Variants in PHYHIPL observed in about 807,000 individuals in gnomAD.
The protein encoded by PHYHIPL is phytanoyl-CoA 2-hydroxylase interacting protein like.
Under a neutral mutation model 33.4 loss-of-function variants are expected in PHYHIPL, and 9 were observed. That is an observed-to-expected ratio of 0.27 (90% CI 0.16 to 0.47). PHYHIPL has a LOEUF of 0.47. PHYHIPL is among the 20% of genes least tolerant of loss of function. The pLI is 0.99. For missense variants in PHYHIPL, 365 were observed against 460.7 expected (o/e 0.79, Z 1.90); for synonymous variants, 153 against 154.1 (o/e 0.99, Z 0.05).
At chr10:59,197,858 T>C (rs1353698402) in intron 1 of PHYHIPL, among the ~76,000 whole-genome samples, 1 of 152,164 alleles carries the variant, frequency 6.6e-6, no homozygotes, top group Non-Finnish European at 1.5e-5. Context: ...TTATTTATAT[T>C]CATTACTTTT....
chr10:59,222,149 A>C (rs1046909849), intron 1 of PHYHIPL, among the ~76,000 whole-genome samples: 1 of 152,096 alleles, frequency 6.6e-6, no homozygotes, highest in African/African-American at 2.4e-5. Context: ...GAAGTACTGT[A>C]TATGGATTTC....
rs906648610 is a variant in PHYHIPL at position 59,176,722 on chromosome 10, G to T, written c.-132G>T. The T allele has an allele frequency of 3.8e-6, 3 of 788,446 alleles. No individual in the cohort carries two copies. The highest frequency in any genetic ancestry group is 1.8e-5 in the African/African-American group (1 of 56,214). 48.8% of individuals were successfully genotyped at this position (788,446 alleles called of 1,614,324 possible). On this transcript the variant is annotated 5_prime_UTR_variant, in exon 1 of 5. Coordinates refer to ENST00000373880, the MANE Select transcript of PHYHIPL (RefSeq NM_032439.4). The stretch of plus-strand genomic sequence containing the variant: ...TCCAGCCCCGCGCCTCAGCCTCGGC[G>T]CCGCATCACCGCGTCCCAGGCCTCC...
At chr10:59,244,238 A>G (rs1840538326) in intron 4 of PHYHIPL, among the ~76,000 whole-genome samples, 1 of 152,144 alleles carries the variant, frequency 6.6e-6, no homozygotes, top group African/African-American at 2.4e-5. Context: ...GCAAAATGCC[A>G]GAGAAATAAC....
intron 1 of PHYHIPL, among the ~76,000 whole-genome samples, chr10:59,188,312 T>C (rs1304702868): frequency 6.6e-6 from 1 of 152,228 alleles, no homozygotes; most frequent in Non-Finnish European, 1.5e-5. Context: ...CTAGTTTGAT[T>C]GCACTGTGGT....
chr10:59,187,802 G>A (rs1327789081), intron 1 of PHYHIPL, among the ~76,000 whole-genome samples: 3 of 151,886 alleles, frequency 2.0e-5, no homozygotes, highest in Non-Finnish European at 2.9e-5. Context: ...CTGTGGGATC[G>A]GCAGTGATAT....
intron 1 of PHYHIPL, among the ~76,000 whole-genome samples, chr10:59,203,433 T>A (rs1839185709): frequency 6.6e-6 from 1 of 152,110 alleles, no homozygotes; most frequent in Admixed American, 6.6e-5. Flanking sequence ...ACCCAAAGGA[T>A]TATAAATCAT....
intron 1 of PHYHIPL, among the ~76,000 whole-genome samples, chr10:59,213,224 T>C (rs1839516076): frequency 6.6e-6 from 1 of 152,068 alleles, no homozygotes; most frequent in African/African-American, 2.4e-5. Context: ...GCTGCCAGAG[T>C]GATCCTCTAA....
intron 1 of PHYHIPL, among the ~76,000 whole-genome samples, chr10:59,216,587 A>G (rs1012869818): frequency 2.6e-5 from 4 of 152,098 alleles, no homozygotes; most frequent in African/African-American, 9.7e-5. Flanking sequence ...TACTTTAGGT[A>G]GCATGTTCTA....
chr10:59,236,784 T>C, intron 3 of PHYHIPL, 127 bp downstream of exon 3: 1 of 721,762 alleles, frequency 1.4e-6, no homozygotes, highest in Non-Finnish European at 2.1e-6. Context: ...GCGTTGTCAG[T>C]AGCATTGTGT....
intron 1 of PHYHIPL, among the ~76,000 whole-genome samples, chr10:59,226,856 C>T (rs998425739): frequency 1.3e-5 from 2 of 151,360 alleles, no homozygotes; most frequent in African/African-American, 2.4e-5. Flanking sequence ...AAGAAAATAC[C>T]GTCCATATAG....
At chr10:59,194,087 T>G (rs1288129007) in intron 1 of PHYHIPL, among the ~76,000 whole-genome samples, 2 of 148,548 alleles carry the variant, frequency 1.3e-5, no homozygotes, top group Non-Finnish European at 1.5e-5. Context: ...TATGTTTTTT[T>G]TTTTTTTTTT....
At chr10:59,175,843 C>A (rs1838238432), upstream of PHYHIPL, among the ~76,000 whole-genome samples, 1 of 152,198 alleles carries the variant, frequency 6.6e-6, no homozygotes. Context: ...ATAGGGTGAG[C>A]ATTGAATACT....
At chr10:59,236,056 G>A (rs925355165) in intron 2 of PHYHIPL, among the ~76,000 whole-genome samples, 1 of 151,698 alleles carries the variant, frequency 6.6e-6, no homozygotes, top group African/African-American at 2.4e-5. Context: ...GTTGCATTTT[G>A]AGGAGCATAT....
At chr10:59,181,753 A>G (rs1838417699) in intron 1 of PHYHIPL, among the ~76,000 whole-genome samples, 2 of 152,266 alleles carry the variant, frequency 1.3e-5, no homozygotes, top group African/African-American at 4.8e-5. Flanking sequence ...TTTGGAAACC[A>G]TCAGATTGTA....
intron 1 of PHYHIPL, among the ~76,000 whole-genome samples, chr10:59,210,839 C>A (rs1299643593): frequency 6.6e-6 from 1 of 152,120 alleles, no homozygotes; most frequent in Non-Finnish European, 1.5e-5. Flanking sequence ...AAACCAAACA[C>A]CACATGTTCT....
At chr10:59,180,347 T>C (rs1838381145) in intron 1 of PHYHIPL, among the ~76,000 whole-genome samples, 1 of 102,686 alleles carries the variant, frequency 9.7e-6, no homozygotes, top group African/African-American at 3.0e-5. Flanking sequence ...TATATATATA[T>C]ATATATATAT....
chr10:59,173,937 T>G (rs1441793451), upstream of PHYHIPL, among the ~76,000 whole-genome samples: 11 of 103,534 alleles, frequency 1.1e-4, no homozygotes, highest in South Asian at 3.6e-4. Context: ...TTTTTTTTTT[T>G]TTTTTTTTTT....
intron 1 of PHYHIPL, among the ~76,000 whole-genome samples, chr10:59,180,343 T>A (rs1838380475): frequency 1.3e-5 from 1 of 79,142 alleles, no homozygotes; most frequent in African/African-American, 3.2e-5. Flanking sequence ...TATATATATA[T>A]ATATATATAT....
At position 59,245,195 on chromosome 10, in the gene PHYHIPL, A is replaced by G. The variant is rs758659693; in HGVS notation, c.735A>G (p.Ser245=). The G allele has an allele frequency of 6.2e-7, 1 of 1,614,144 alleles. No individual in the cohort carries two copies. The highest frequency in any genetic ancestry group is 2.2e-5 in the East Asian group (1 of 44,868). Residue 245 remains serine (S), a synonymous_variant, in exon 5 of 5, where the codon TCA becomes TCG. Coordinates refer to ENST00000373880, the MANE Select transcript of PHYHIPL (RefSeq NM_032439.4). ...ATACTGGAAAGCCACCCCAGGATTC[A>G]CCTTATGGAAGATACAGGTTTGAGA... The part of the protein sequence containing the change: ...EFNTGKPPQD[S]PYGRYRFEIA...
Sources: gnomAD v4.1 joint callset for allele counts (sites outside exome capture counted in the v4.1 genomes callset) on GRCh38, gnomAD v4.1.1 for gene constraint, MANE v1.5 for transcripts, NCBI Gene and HGNC (gene_info 2026-07-23, HGNC 2026-07-21) for gene names.